WDR64: variants seen among roughly 807,000 people sequenced by gnomAD.
WDR64 encodes WD repeat domain 64.
In WDR64, 112 loss-of-function variants were observed where a neutral mutation model predicts 139.3. The ratio of observed to expected loss-of-function variants is 0.80; its 90% CI spans 0.69 to 0.94. WDR64 has a LOEUF of 0.94. WDR64 is among the 40% of genes least tolerant of loss of function. The pLI, the probability that WDR64 is intolerant of heterozygous loss-of-function variation, is 0.00. For missense variants in WDR64, 1,206 were observed against 1,293.1 expected (o/e 0.93, Z 1.03); for synonymous variants, 444 against 437.7 (o/e 1.01, Z -0.18).
At chr1:241,715,414 G>T (rs868347832) in intron 9 of WDR64, among the ~76,000 whole-genome samples, 7 of 152,148 alleles carry the variant, frequency 4.6e-5, no homozygotes, top group African/African-American at 1.7e-4. Context: ...ACTTCCAACG[G>T]AAATGGGCAC....
At chr1:241,681,406 A>G (rs148364216) in intron 6 of WDR64, among the ~76,000 whole-genome samples, 3,721 of 152,296 alleles carry the variant, frequency 0.024, 87 homozygotes, top group South Asian at 0.081. Context: ...TTCACTTACA[A>G]TAATAGTCTC....
chr1:241,692,419 G>A (rs1048995125), intron 8 of WDR64, among the ~76,000 whole-genome samples: 34 of 152,222 alleles, frequency 2.2e-4, no homozygotes, highest in African/African-American at 7.9e-4. Context: ...AAGATAGTGC[G>A]GTATTGTAAA....
intron 17 of WDR64, 49 bp from the exon 18 acceptor site, chr1:241,770,572 G>T: frequency 6.7e-7 from 1 of 1,490,046 alleles, no homozygotes; most frequent in Non-Finnish European, 9.1e-7. Context: ...TTTGAGTATG[G>T]TAGCATATCT....
At position 241,660,552 on chromosome 1, in the gene WDR64, T is replaced by C; in HGVS notation, c.168T>C (p.Phe56=). ...HKEDAIGYDK[F]YASVQKLFGP... is the part of the protein sequence containing the mutation. The stretch of plus-strand genomic sequence containing the variant: ...CAGATGCAATTGGTTATGACAAGTT[T>C]TATGCATCGGTACAGAAGCTCTTTG... Residue 56 remains phenylalanine, a synonymous_variant, in exon 2 of 28, where the codon TTT becomes TTC. Transcript: ENST00000437684. 1.3e-6 allele frequency: 2 copies of C among 1,551,820 alleles called. No individual in the cohort carries two copies. Among genetic ancestry groups the C allele is most frequent in the East Asian group, 2.4e-5 (1 of 40,916 alleles).
At chr1:241,667,427 T>C (rs1451262372) in intron 2 of WDR64, among the ~76,000 whole-genome samples, 1 of 152,298 alleles carries the variant, frequency 6.6e-6, no homozygotes, top group East Asian at 1.9e-4. Context: ...AACATGAACA[T>C]AGACACTGCT....
chr1:241,712,562 T>C (rs539392896), intron 9 of WDR64, among the ~76,000 whole-genome samples: 11 of 152,272 alleles, frequency 7.2e-5, no homozygotes, highest in African/African-American at 2.6e-4. Flanking sequence ...AGTCAGACTG[T>C]ATGGGTACAA....
At chr1:241,797,249 A>C (rs1659393697) in intron 27 of WDR64, among the ~76,000 whole-genome samples, 1 of 152,254 alleles carries the variant, frequency 6.6e-6, no homozygotes, top group African/African-American at 2.4e-5. Context: ...CAAAGATCAC[A>C]TACAAATGAA....
rs971262035 is a variant in WDR64 at position 241,755,215 on chromosome 1, T to C, written c.1771-2068T>C. Among the ~76,000 whole-genome samples the C allele has an allele frequency of 2.6e-5, 4 of 152,300 alleles. 1 individual carries two copies. The Middle Eastern group carries it at 0.01, about 389-fold the overall frequency. ...GTGTAAAAGCATTCCTATTTCTCCA[T>C]ATCCTCTCCAGCATCTGTTGTTTCC... On this transcript the variant is annotated intron_variant, in intron 14 of 27. Transcript: ENST00000437684.
At position 241,735,855 on chromosome 1, in the gene WDR64, C is replaced by CTCTG. The variant is rs1248435698; in HGVS notation, c.1195-2507_1195-2506insCTGT. Among the ~76,000 whole-genome samples the CTCTG allele has an allele frequency of 9.3e-3, 663 of 71,546 alleles. 6 individuals are homozygous for CTCTG. The highest frequency in any genetic ancestry group is 0.028 in the African/African-American group (593 of 21,074). The allele number at this position is 71,546 out of a possible 152,430, so 46.9% of individuals were successfully genotyped here. The stretch of plus-strand genomic sequence containing the variant: ...TCTCTCTCTCTCTCTCTCTCTCTCT[C>CTCTG]TGTGTGTGTGTGTGTGTGTGTGTGT... On this transcript the variant is annotated intron_variant, in intron 10 of 27. Coordinates refer to ENST00000437684, the MANE Select transcript of WDR64 (RefSeq NM_001367482.1).
At chr1:241,695,108 A>ACAAT in intron 8 of WDR64, among the ~76,000 whole-genome samples, 1 of 152,362 alleles carries the variant, frequency 6.6e-6, no homozygotes, top group East Asian at 1.9e-4. Flanking sequence ...TAAGCCAAAA[A>ACAAT]CAATCAAACA....
At chr1:241,786,906 G>A (rs922745440) in intron 23 of WDR64, among the ~76,000 whole-genome samples, 1 of 152,182 alleles carries the variant, frequency 6.6e-6, no homozygotes, top group African/African-American at 2.4e-5. Context: ...CATGGATGGA[G>A]CTAGAGGCCA....
At chr1:241,758,839 G>A (rs575646890) in intron 15 of WDR64, among the ~76,000 whole-genome samples, 1 of 152,058 alleles carries the variant, frequency 6.6e-6, no homozygotes, top group South Asian at 2.1e-4. Context: ...CTTCTTTTTA[G>A]TGGGAAATAG....
chr1:241,771,738 TC>T, intron 19 of WDR64, 41 bp downstream of exon 19: 1 of 1,368,266 alleles, frequency 7.3e-7, no homozygotes, highest in Non-Finnish European at 9.5e-7. Flanking sequence ...ATAAAGCAAC[TC>T]CTTTGCAAGA....
intron 8 of WDR64, among the ~76,000 whole-genome samples, chr1:241,708,692 GTTTTTTT>G (rs766069628): frequency 1.7e-5 from 1 of 59,902 alleles, no homozygotes; most frequent in Admixed American, 1.6e-4. Flanking sequence ...GAGGTCCATG[GTTTTTTT>G]TTTTGTTTTT....
chr1:241,771,267 CCTT>C (rs1319112450), intron 18 of WDR64, among the ~76,000 whole-genome samples: 1 of 152,196 alleles, frequency 6.6e-6, no homozygotes, highest in Non-Finnish European at 1.5e-5. Context: ...GAACCCAAGT[CCTT>C]CTTTTATTAT....
At chr1:241,752,211 A>G (rs1220353236) in intron 14 of WDR64, among the ~76,000 whole-genome samples, 1 of 152,218 alleles carries the variant, frequency 6.6e-6, no homozygotes, top group Non-Finnish European at 1.5e-5. Context: ...ATCAATTCCT[A>G]AAGACCTACC....
In WDR64 at chr1:241,699,869, G is replaced by A. The variant is rs193078733; in HGVS notation, c.975-11933G>A. ...GACCTGCATACCATGCTAAAGAGTT[G>A]GGATTTTAACCTGAAAGCTATCGGA... On this transcript the variant is annotated intron_variant, in intron 8 of 27. Coordinates refer to ENST00000437684, the MANE Select transcript of WDR64 (RefSeq NM_001367482.1). Among the ~76,000 whole-genome samples, 185 of 152,122 alleles carry A rather than the reference G, an allele frequency of 1.2e-3. 1 individual carries two copies. Among genetic ancestry groups the A allele is most frequent in the Middle Eastern group, 0.01 (3 of 292 alleles).
chr1:241,757,322 C>G lies in WDR64; in HGVS notation c.1810C>G (p.Leu604Val). ...TATCTACCTCATGGTGATCTGGGAG[C>G]TGCCTGATGTTGTGCCTTTCCTACA... Reference protein sequence around the residue: ...DDIYLMVIWELPDVVPFLQDG... With the variant: ...DDIYLMVIWEVPDVVPFLQDG... The change falls in exon 15 of 28, where the codon CTG becomes GTG. Residue 604 changes from leucine to valine, a missense_variant. By Grantham distance (32) the Leu-to-Val change is conservative. Transcript: ENST00000437684. 3.7e-6 allele frequency: 6 copies of G among 1,613,900 alleles called. No homozygotes were observed. The highest frequency in any genetic ancestry group is 3.4e-6 in the Non-Finnish European group (4 of 1,179,938).
intron 4 of WDR64, among the ~76,000 whole-genome samples, chr1:241,674,995 C>G (rs1666434564): frequency 5.5e-5 from 2 of 36,236 alleles, no homozygotes; most frequent in African/African-American, 1.5e-4. Context: ...CTCCCTTTCT[C>G]CCTCCCTCTC....
Sources: allele counts gnomAD v4.1 joint callset (sites outside exome capture counted in the v4.1 genomes callset), GRCh38; gene constraint gnomAD v4.1.1; transcripts MANE v1.5; gene names NCBI Gene and HGNC (gene_info 2026-07-23, HGNC 2026-07-21).